GALC: variants seen among roughly 807,000 people sequenced by gnomAD.
The protein encoded by GALC is galactosylceramidase, also known as galactocerebrosidase.
GALC carries 77 observed loss-of-function variants against 91.8 expected under a neutral mutation model. The ratio of observed to expected loss-of-function variants is 0.84; its 90% CI spans 0.70 to 1.01. The LOEUF (loss-of-function observed/expected upper bound fraction) is 1.01, where lower values mean the gene tolerates loss of function less well. Among genes scored for constraint, GALC ranks in the 50% least tolerant of loss-of-function variants. The probability of loss-of-function intolerance (pLI) is 0.00; values close to 1 mark genes in which losing one functional copy is unlikely to be tolerated. For synonymous variants in GALC, 357 were observed against 306.7 expected (o/e 1.16, Z -1.71); for missense variants, 882 against 855.9 (o/e 1.03, Z -0.38).
intron 12 of GALC, among the ~76,000 whole-genome samples, chr14:87,948,107 T>C (rs968764776): frequency 6.6e-6 from 1 of 151,930 alleles, no homozygotes; most frequent in Non-Finnish European, 1.5e-5. Context: ...CAACCTTACT[T>C]CATGGAAGGA....
At chr14:87,940,039 C>T in intron 15 of GALC, 58 bp from the exon 16 acceptor site, 5 of 1,352,718 alleles carry the variant, frequency 3.7e-6, no homozygotes, top group Non-Finnish European at 5.3e-6. Context: ...ATCACAGAAT[C>T]ATATAATTCA....
At chr14:87,959,567 A>G (rs1041913168) in intron 10 of GALC, 1 of 152,152 alleles carries the variant, frequency 6.6e-6, no homozygotes, top group Non-Finnish European at 1.5e-5. Flanking sequence ...TAAAAATACA[A>G]AAATGAGCCA....
chr14:87,987,400 G>A (rs1045499802), intron 3 of GALC, among the ~76,000 whole-genome samples: 13 of 152,194 alleles, frequency 8.5e-5, no homozygotes, highest in African/African-American at 2.2e-4. Flanking sequence ...ACAGTAAAAC[G>A]CAATAGCTTG....
chr14:87,982,381 C>A, intron 5 of GALC, 138 bp from the exon 6 acceptor site: 3 of 585,826 alleles, frequency 5.1e-6, no homozygotes, highest in Non-Finnish European at 3.1e-6. Context: ...GGATATCCTG[C>A]CATAGAATTT....
At chr14:87,951,552 C>A (rs1885309775) in intron 10 of GALC, among the ~76,000 whole-genome samples, 1 of 151,824 alleles carries the variant, frequency 6.6e-6, no homozygotes, top group African/African-American at 2.4e-5. Context: ...TTTTCAAGCG[C>A]ACATGGAACA....
intron 10 of GALC, chr14:87,954,803 G>T: frequency 6.2e-7 from 1 of 1,604,998 alleles, no homozygotes; most frequent in Non-Finnish European, 8.5e-7. Flanking sequence ...GCAAAATATG[G>T]ATTGGAACTA....
At chr14:87,984,060 T>C (rs896352281) in intron 5 of GALC, among the ~76,000 whole-genome samples, 11 of 141,418 alleles carry the variant, frequency 7.8e-5, no homozygotes, top group African/African-American at 2.4e-4. Context: ...ATAAGCTGTA[T>C]AGGAAACACA....
chr14:87,954,364 A>G, intron 10 of GALC: 2 of 1,602,064 alleles, frequency 1.2e-6, no homozygotes, highest in Non-Finnish European at 8.5e-7. Context: ...TTATGTTAAC[A>G]GTGGAACAGG....
chr14:87,965,928 T>A (rs1359753238), intron 8 of GALC, among the ~76,000 whole-genome samples: 9 of 152,200 alleles, frequency 5.9e-5, no homozygotes, highest in Middle Eastern at 3.2e-3. Context: ...GCCTTACCAA[T>A]ACCCAACACA....
intron 13 of GALC, among the ~76,000 whole-genome samples, chr14:87,947,106 T>A (rs1885103727): frequency 6.6e-6 from 1 of 151,974 alleles, no homozygotes; most frequent in African/African-American, 2.4e-5. Context: ...CCCATAAACC[T>A]ACAGAACACC....
chr14:87,943,952 C>T (rs1302316669), intron 14 of GALC, among the ~76,000 whole-genome samples: 3 of 151,962 alleles, frequency 2.0e-5, no homozygotes, highest in Non-Finnish European at 2.9e-5. Context: ...TCTTCCTGAG[C>T]AGGGGAATAA....
At chr14:87,949,577 G>T (rs1456462294) in intron 12 of GALC, among the ~76,000 whole-genome samples, 1 of 151,882 alleles carries the variant, frequency 6.6e-6, no homozygotes, top group Non-Finnish European at 1.5e-5. Flanking sequence ...AGAAATGTGT[G>T]GATACAACTG....
In GALC at chr14:87,934,633, A is replaced by T. The variant is rs1209467724; in HGVS notation, c.*99T>A. The T allele has an allele frequency of 6.3e-7, 1 of 1,596,844 alleles. No individual in the cohort carries two copies. The highest frequency in any genetic ancestry group is 1.3e-5 in the African/African-American group (1 of 74,284). Reference sequence around the variant, plus strand: ...ACTCTTCATTATTTTTAGTCTCAAAAGCCTCATATACTGTTCCAATGAAAC... The same window carrying T: ...ACTCTTCATTATTTTTAGTCTCAAATGCCTCATATACTGTTCCAATGAAAC... On this transcript the variant is annotated 3_prime_UTR_variant, in exon 17 of 17. Coordinates refer to ENST00000261304, the MANE Select transcript of GALC (RefSeq NM_000153.4).
chr14:87,943,872 C>T (rs980265392), intron 14 of GALC, among the ~76,000 whole-genome samples: 5 of 151,830 alleles, frequency 3.3e-5, no homozygotes, highest in African/African-American at 1.2e-4. Context: ...TAGATGAGAC[C>T]AAATTATAAA....
intron 16 of GALC, 85 bp from the exon 17 acceptor site, chr14:87,934,963 T>C: frequency 3.2e-6 from 3 of 944,692 alleles, no homozygotes; most frequent in Non-Finnish European, 5.1e-6. Context: ...GGCCCACTAC[T>C]TAGTGGAGCA....
At position 87,976,489 on chromosome 14, in the gene GALC, C is replaced by A. The variant is rs1886499951; in HGVS notation, c.622-1G>T. 3 of 1,609,690 alleles carry A rather than the reference C, an allele frequency of 1.9e-6. No individual in the cohort carries two copies. Among genetic ancestry groups the A allele is most frequent in the Admixed American group, 3.3e-5 (2 of 59,952 alleles). The stretch of plus-strand genomic sequence containing the variant: ...GATAATTCAGCATTTTTCTTAATAT[C>A]TTTTGGAGTAAGAAACAGAACATAT... On this transcript the variant is annotated splice_acceptor_variant, in intron 6 of 16. Coordinates refer to ENST00000261304, the MANE Select transcript of GALC (RefSeq NM_000153.4). LOFTEE classifies it high-confidence loss of function.
chr14:87,975,228 C>T (rs970522790), intron 7 of GALC, among the ~76,000 whole-genome samples: 1 of 151,920 alleles, frequency 6.6e-6, no homozygotes, highest in African/African-American at 2.4e-5. Context: ...CAGTAAAATC[C>T]AGACTGACAC....
intron 10 of GALC, among the ~76,000 whole-genome samples, chr14:87,956,366 T>C (rs1386513251): frequency 2.0e-5 from 3 of 152,092 alleles, no homozygotes; most frequent in Non-Finnish European, 2.9e-5. Flanking sequence ...AGAGGATCAA[T>C]GCCCAGAGTT....
At chr14:87,988,240 T>C (rs776960752) in intron 2 of GALC, 33 bp from the exon 3 acceptor site, 2 of 1,579,070 alleles carry the variant, frequency 1.3e-6, no homozygotes, top group South Asian at 2.2e-5. Context: ...TAACATAGTG[T>C]TGTATTGTAT....
Sources: gnomAD v4.1 joint callset for allele counts (sites outside exome capture counted in the v4.1 genomes callset) on GRCh38, gnomAD v4.1.1 for gene constraint, MANE v1.5 for transcripts, NCBI Gene and HGNC (gene_info 2026-07-23, HGNC 2026-07-21) for gene names.